CELF4: variants seen among roughly 807,000 people sequenced by gnomAD.
CELF4 encodes CUGBP Elav-like family member 4.
In CELF4, 18 loss-of-function variants were observed where a neutral mutation model predicts 59.9. That is an observed-to-expected ratio of 0.30 (90% CI 0.21 to 0.45). The LOEUF (loss-of-function observed/expected upper bound fraction) is 0.45. Ranked by LOEUF, CELF4 falls within the 20% of genes least tolerant of loss-of-function variation. The pLI, the probability that CELF4 is intolerant of heterozygous loss-of-function variation, is 1.00. For synonymous variants in CELF4, 261 were observed against 267.1 expected, an observed-to-expected ratio of 0.98 and a Z score of 0.22; for missense variants, 456 against 689.0, an observed-to-expected ratio of 0.66 and a Z score of 3.79.
intron 1 of CELF4, 40 bp from the exon 2 acceptor site, chr18:37,485,647 GC>G (rs1490804332): frequency 2.2e-5 from 29 of 1,299,752 alleles, no homozygotes; most frequent in South Asian, 1.4e-4. Context: ...TCAGTGGGGC[GC>G]CCCCGGGCCC....
intron 3 of CELF4, among the ~76,000 whole-genome samples, chr18:37,280,311 CATTG>C (rs2093968461): frequency 6.6e-6 from 1 of 152,194 alleles, no homozygotes; most frequent in South Asian, 2.1e-4. Flanking sequence ...CTTCAGCAAA[CATTG>C]ATTGAGCACT....
chr18:37,525,880 G>T (rs1440703727), intron 1 of CELF4, among the ~76,000 whole-genome samples: 1 of 152,124 alleles, frequency 6.6e-6, no homozygotes, highest in Non-Finnish European at 1.5e-5. Flanking sequence ...AAGTGTGGCC[G>T]CGACCTGTAG....
chr18:37,354,083 G>T (rs879796931), intron 2 of CELF4, among the ~76,000 whole-genome samples: 5 of 152,080 alleles, frequency 3.3e-5, no homozygotes, highest in Non-Finnish European at 7.4e-5. Flanking sequence ...TAGGACAAAG[G>T]TCAGAGCCGG....
At chr18:37,472,721 G>C (rs1432399584) in intron 2 of CELF4, among the ~76,000 whole-genome samples, 1 of 152,176 alleles carries the variant, frequency 6.6e-6, no homozygotes, top group Non-Finnish European at 1.5e-5. Flanking sequence ...GCATGAGCCT[G>C]CCCAGCGGCA....
intron 8 of CELF4, among the ~76,000 whole-genome samples, chr18:37,267,548 G>A (rs1016509983): frequency 2.0e-5 from 3 of 152,182 alleles, no homozygotes; most frequent in African/African-American, 7.2e-5. Flanking sequence ...GGAGGATGGA[G>A]CCCTAGGATG....
rs2061895914 is a variant in CELF4 at position 37,245,882 on chromosome 18, G to A, written c.*45-685C>T. 6.6e-6 allele frequency among the ~76,000 whole-genome samples: 1 copy of A among 152,032 alleles called. No homozygotes were observed. On this transcript the variant is annotated intron_variant, in intron 12 of 12. Coordinates refer to ENST00000420428, the MANE Select transcript of CELF4 (RefSeq NM_020180.4). This position sits in a 1 kb window ranked among gnomAD's most constrained non-coding sequence, Gnocchi z 4.1. ...ATAATACTTTTCTCATACATGCCAG[G>A]GAATTTAGAGGAATTCAGAACTTCA...
intron 1 of CELF4, among the ~76,000 whole-genome samples, chr18:37,524,465 A>G (rs901533551): frequency 6.6e-6 from 1 of 152,068 alleles, no homozygotes; most frequent in Non-Finnish European, 1.5e-5. Context: ...GCGGTGACGA[A>G]TGTTCTCCCC....
chr18:37,421,655 G>A lies in CELF4; in HGVS notation c.369+63870C>T, dbSNP rs556883025. On this transcript the variant is annotated intron_variant, in intron 2 of 12. Transcript: ENST00000420428. ...TACCTGTGGCCTGAGCACACAGTGG[G>A]GGCTCATGGGAGCCCACCAAGTGAT... is the stretch of plus-strand genomic sequence containing the variant. Among the ~76,000 whole-genome samples, 6 of 152,368 alleles carry A rather than the reference G, an allele frequency of 3.9e-5. 1 individual carries two copies. The highest frequency in any genetic ancestry group is 1.4e-4 in the African/African-American group (6 of 41,592).
At position 37,343,956 on chromosome 18, in the gene CELF4, C is replaced by T. The variant is rs151227737; in HGVS notation, c.370-22075G>A. 1.3e-4 allele frequency among the ~76,000 whole-genome samples: 20 copies of T among 152,304 alleles called. No homozygotes were observed. The East Asian group carries it at 2.9e-3, about 22-fold the overall frequency. ...CTGTTCCCTTTGCCAGGAATGGTCT[C>T]TCTGCAACCAAACTCCTCCCCATTT... On this transcript the variant is annotated intron_variant, in intron 2 of 12. Transcript: ENST00000420428.
At chr18:37,439,678 T>C (rs2099705942) in intron 2 of CELF4, among the ~76,000 whole-genome samples, 2 of 152,128 alleles carry the variant, frequency 1.3e-5, no homozygotes, top group South Asian at 4.2e-4. Flanking sequence ...CCAGCTCTCC[T>C]GTCCCCCCAT....
At chr18:37,361,703 A>G (rs943630091) in intron 2 of CELF4, among the ~76,000 whole-genome samples, 1 of 151,816 alleles carries the variant, frequency 6.6e-6, no homozygotes, top group Admixed American at 6.6e-5. Context: ...TTTCCCTCCT[A>G]AGGGGTCACT....
At chr18:37,457,560 C>T (rs2099781747) in intron 2 of CELF4, among the ~76,000 whole-genome samples, 2 of 152,160 alleles carry the variant, frequency 1.3e-5, no homozygotes, top group African/African-American at 4.8e-5. Flanking sequence ...CTCCAGAGAT[C>T]AAGGGTCAGC....
chr18:37,281,853 C>T (rs552944389), intron 3 of CELF4, among the ~76,000 whole-genome samples: 64 of 152,264 alleles, frequency 4.2e-4, no homozygotes, highest in African/African-American at 1.4e-3. Context: ...TCTCTGGGCC[C>T]GCAGGCAGTG....
At chr18:37,248,432 C>A (rs1402781962) in intron 12 of CELF4, among the ~76,000 whole-genome samples, 1 of 152,178 alleles carries the variant, frequency 6.6e-6, no homozygotes, top group Non-Finnish European at 1.5e-5. Context: ...ACATGGAAGG[C>A]TGGAGGGTGC....
intron 1 of CELF4, among the ~76,000 whole-genome samples, chr18:37,526,945 T>C (rs1192410839): frequency 6.6e-6 from 1 of 152,130 alleles, no homozygotes; most frequent in Non-Finnish European, 1.5e-5. Flanking sequence ...CCACCCGACA[T>C]GTCCGGGCCT....
At chr18:37,327,322 C>T (rs2097353399) in intron 2 of CELF4, among the ~76,000 whole-genome samples, 1 of 152,176 alleles carries the variant, frequency 6.6e-6, no homozygotes, top group Non-Finnish European at 1.5e-5. Context: ...ATTCACCCCA[C>T]CAGTTCCTAC....
chr18:37,550,114 C>CCCCAAGAATAGGTCTGGG, intron 1 of CELF4, among the ~76,000 whole-genome samples: 1 of 144,842 alleles, frequency 6.9e-6, no homozygotes, highest in East Asian at 2.0e-4. Context: ...AAGAAAGAAA[C>CCCCAAGAATAGGTCTGGG]CCCAAGAATA....
chr18:37,498,679 GTCACCAGCCA>G (rs1187415700), intron 1 of CELF4, among the ~76,000 whole-genome samples: 3 of 151,964 alleles, frequency 2.0e-5, no homozygotes, highest in Non-Finnish European at 4.4e-5. Flanking sequence ...TGAGGTTCCT[GTCACCAGCCA>G]GCTGGTGACT....
intron 10 of CELF4, among the ~76,000 whole-genome samples, chr18:37,260,592 C>T (rs1051720932): frequency 2.6e-5 from 4 of 152,188 alleles, no homozygotes; most frequent in Non-Finnish European, 5.9e-5. Flanking sequence ...CCAGAGCCAA[C>T]CGTCCTTGTT....
Sources: gnomAD v4.1 joint callset for allele counts (sites outside exome capture counted in the v4.1 genomes callset) on GRCh38, gnomAD v4.1.1 for gene constraint, Gnocchi (gnomAD v3.1) non-coding constraint, MANE v1.5 for transcripts, NCBI Gene and HGNC (gene_info 2026-07-23, HGNC 2026-07-21) for gene names.